The following RHOBTB2 variants were observed in gnomAD, a reference collection of about 807,000 sequenced individuals.
RHOBTB2 encodes the protein rho-related BTB domain-containing protein 2.
A neutral mutation model predicts 66.5 loss-of-function variants in RHOBTB2; 39 were observed. The ratio of observed to expected loss-of-function variants is 0.59; its 90% CI spans 0.45 to 0.77. The LOEUF is 0.77. Ranked by LOEUF, RHOBTB2 falls within the 30% of genes least tolerant of loss-of-function variation. RHOBTB2 has a pLI of 0.00. For missense variants in RHOBTB2, 755 were observed against 999.1 expected, an observed-to-expected ratio of 0.76 and a Z score of 3.29; for synonymous variants, 390 against 395.0, an observed-to-expected ratio of 0.99 and a Z score of 0.15.
chr8:22,956,472 C>T, the RHOBTB2 span, among the ~76,000 whole-genome samples: 1 of 152,068 alleles, frequency 6.6e-6, no homozygotes, highest in Non-Finnish European at 1.5e-5. Flanking sequence ...CCCTCCCCCT[C>T]CTCCTCCTGG....
the RHOBTB2 span, among the ~76,000 whole-genome samples, chr8:22,963,343 G>GT: frequency 6.6e-6 from 1 of 152,156 alleles, no homozygotes; most frequent in Admixed American, 6.5e-5. Context: ...CTAAGTATCT[G>GT]TTACAGAGAA....
At position 22,999,680 on chromosome 8, in the gene RHOBTB2, T is replaced by C. The variant is rs1017844654; in HGVS notation, c.-436T>C. 4.9e-6 allele frequency: 6 copies of C among 1,225,624 alleles called. No individual in the cohort carries two copies. Among genetic ancestry groups the C allele is most frequent in the African/African-American group, 1.7e-5 (1 of 60,170 alleles). 75.9% of individuals were successfully genotyped at this position (1,225,624 alleles called of 1,614,324 possible). On this transcript the variant is annotated 5_prime_UTR_variant, in exon 1 of 10. Coordinates refer to ENST00000251822, the MANE Select transcript of RHOBTB2 (RefSeq NM_015178.3). ...AAAAAAGGAGGTCGCGAGCGGTACC[T>C]GGGACTGCAGCGCCAGGCGTCTTCG...
chr8:22,993,297 C>A (rs1810469015), intron 2 of RHOBTB2, among the ~76,000 whole-genome samples: 1 of 152,144 alleles, frequency 6.6e-6, no homozygotes, highest in Admixed American at 6.5e-5. Flanking sequence ...GTAGCTGGGA[C>A]TACAGGCGTG....
chr8:22,962,140 C>T, the RHOBTB2 span, among the ~76,000 whole-genome samples: 1 of 116,604 alleles, frequency 8.6e-6, no homozygotes, highest in African/African-American at 3.3e-5. Context: ...CAGTCTGGGC[C>T]ACAGAGTAAG....
At position 23,015,215 on chromosome 8, in the gene RHOBTB2, C is replaced by T. The variant is rs372122501; in HGVS notation, c.1861-423C>T. On this transcript the variant is annotated intron_variant, in intron 8 of 9. Coordinates refer to ENST00000251822, the MANE Select transcript of RHOBTB2 (RefSeq NM_015178.3). ...AAGATTAGTGTGTGGAGTGGAAGCA[C>T]GGCTCAGGCAGGGCTTGCAGACACC... is the stretch of plus-strand genomic sequence containing the variant. Among the ~76,000 whole-genome samples the T allele has an allele frequency of 4.6e-5, 7 of 152,196 alleles. No homozygotes were observed. In the East Asian group the frequency reaches 5.8e-4, roughly 13 times the overall value.
In RHOBTB2 at chr8:23,017,977, T is replaced by G. The variant is rs919342445; in HGVS notation, c.*508T>G. The G allele has an allele frequency of 6.1e-6, 1 of 163,584 alleles. No individual in the cohort carries two copies. Among genetic ancestry groups the G allele is most frequent in the African/African-American group, 2.4e-5 (1 of 41,726 alleles). The allele number at this position is 163,584 out of a possible 1,614,324, so 10.1% of individuals were successfully genotyped here. A position where few individuals can be genotyped will look rare whatever the true frequency, so the allele number is the denominator to read the frequency against. On this transcript the variant is annotated 3_prime_UTR_variant, in exon 10 of 10. Transcript: ENST00000251822. This position sits in a 1 kb window ranked among gnomAD's most constrained non-coding sequence, Gnocchi z 5.3. ...CACACCCTCACTGGAGAAGTCAGGG[T>G]AGAAATTGAGCCTTCAGAGCCCAAC... is the stretch of plus-strand genomic sequence containing the variant.
intron 2 of RHOBTB2, among the ~76,000 whole-genome samples, chr8:22,993,230 G>C (rs1232087617): frequency 6.6e-6 from 1 of 152,076 alleles, no homozygotes; most frequent in Non-Finnish European, 1.5e-5. Context: ...TACGATCATA[G>C]TGCACTGCAG....
At position 23,019,643 on chromosome 8, in the gene RHOBTB2, G is replaced by A. The variant is rs180744659; in HGVS notation, c.*2174G>A. The A allele has an allele frequency of 2.0e-5, 3 of 153,110 alleles. No individual in the cohort carries two copies. The highest frequency in any genetic ancestry group is 2.9e-5 in the Non-Finnish European group (2 of 68,654). 9.5% of individuals were successfully genotyped at this position (153,110 alleles called of 1,614,324 possible). On this transcript the variant is annotated 3_prime_UTR_variant, in exon 10 of 10. Coordinates refer to ENST00000251822, the MANE Select transcript of RHOBTB2 (RefSeq NM_015178.3). ...AGGTCTCCTAGGTGCCTGAAGCGCT[G>A]AGCAACCTGGGTACCCTGGTGGGGA...
rs1208632974 is a variant in RHOBTB2, at chr8:23,007,319, T to G, written c.1074T>G (p.Gly358=). ...CESVDEAGGS[G]PAGLRASTSD... is the part of the protein sequence containing the mutation. ...GCGTGGATGAGGCTGGGGGCTCCGG[T>G]CCTGCTGGCCTCCGTGCTTCCACCA... Residue 358 remains glycine, a synonymous_variant, in exon 5 of 10, where the codon GGT becomes GGG. Transcript: ENST00000251822. 4 of 1,613,566 alleles carry G rather than the reference T, an allele frequency of 2.5e-6. No individual in the cohort carries two copies. Among genetic ancestry groups the G allele is most frequent in the Non-Finnish European group, 2.5e-6 (3 of 1,179,852 alleles).
Position 23,011,111 on chromosome 8 carries a change from G to A in RHOBTB2, c.1771+423G>A, listed in dbSNP as rs1377384199. 2.0e-5 allele frequency among the ~76,000 whole-genome samples: 3 copies of A among 152,284 alleles called. No individual in the cohort carries two copies. In the East Asian group the frequency reaches 5.8e-4, roughly 29 times the overall value. On this transcript the variant is annotated intron_variant, in intron 7 of 9. Transcript: ENST00000251822. ...TCTACTAAAAATATAAAAATTAGCT[G>A]TGTTTGGTGGCAGGCGCCTGTAATC...
upstream of RHOBTB2, among the ~76,000 whole-genome samples, chr8:22,998,472 G>T (rs1253903084): frequency 6.6e-6 from 1 of 152,068 alleles, no homozygotes; most frequent in Non-Finnish European, 1.5e-5. Flanking sequence ...GGTGGCTCAC[G>T]CCTGTAATCC....
chr8:22,952,671 G>A, the RHOBTB2 span, among the ~76,000 whole-genome samples: 5 of 152,134 alleles, frequency 3.3e-5, no homozygotes, highest in South Asian at 4.2e-4. Flanking sequence ...TTGGGAGGCC[G>A]AAGGCAGGTG....
At chr8:23,008,344 T>TA (rs1381774486) in intron 6 of RHOBTB2, among the ~76,000 whole-genome samples, 2 of 152,140 alleles carry the variant, frequency 1.3e-5, no homozygotes, top group Non-Finnish European at 2.9e-5. Context: ...TTCTGTTCAT[T>TA]ATCTCATTAA....
At position 23,017,128 on chromosome 8, in the gene RHOBTB2, G is replaced by A; in HGVS notation, c.1967-124G>A. 1.6e-6 allele frequency: 2 copies of A among 1,265,128 alleles called. No individual in the cohort carries two copies. Among genetic ancestry groups the A allele is most frequent in the Middle Eastern group, 2.4e-4 (1 of 4,110 alleles). 78.4% of individuals were successfully genotyped at this position (1,265,128 alleles called of 1,614,324 possible). On this transcript the variant is annotated intron_variant, in intron 9 of 9. Transcript: ENST00000251822. This position sits in a 1 kb window ranked among gnomAD's most constrained non-coding sequence, Gnocchi z 5.3. Reference sequence around the variant, plus strand: ...CGGAGGCTCATGTGCCGTGGGTCATGGGGATGTGCTGGGGGCTGGGCTGGA... The same window carrying A: ...CGGAGGCTCATGTGCCGTGGGTCATAGGGATGTGCTGGGGGCTGGGCTGGA...
intron 1 of RHOBTB2, among the ~76,000 whole-genome samples, chr8:22,990,264 CA>C (rs1810391838): frequency 6.6e-6 from 1 of 152,180 alleles, no homozygotes; most frequent in Non-Finnish European, 1.5e-5. Context: ...CCAGGTTAAG[CA>C]AGGGGACTTG....
chr8:22,967,551 C>T, the RHOBTB2 span, among the ~76,000 whole-genome samples: 4 of 135,590 alleles, frequency 3.0e-5, no homozygotes, highest in East Asian at 4.5e-4. Context: ...GGCAGAGAGC[C>T]GAGATCGTGC....
At chr8:23,012,746 G>A (rs1811183165) in intron 7 of RHOBTB2, among the ~76,000 whole-genome samples, 1 of 152,054 alleles carries the variant, frequency 6.6e-6, no homozygotes. Flanking sequence ...AGCTTCCCAA[G>A]TACCTTGGAC....
At chr8:22,956,115 A>G in the RHOBTB2 span, among the ~76,000 whole-genome samples, 1 of 152,232 alleles carries the variant, frequency 6.6e-6, no homozygotes. Context: ...CACAAACAGT[A>G]CAGAGAATTT....
At chr8:22,988,451 C>T (rs1201718393) in intron 1 of RHOBTB2, among the ~76,000 whole-genome samples, 1 of 152,046 alleles carries the variant, frequency 6.6e-6, no homozygotes. Context: ...CGTGAGCCAC[C>T]GCACCTGACC....
Sources: allele counts gnomAD v4.1 joint callset (sites outside exome capture counted in the v4.1 genomes callset), GRCh38; gene constraint gnomAD v4.1.1; non-coding constraint Gnocchi (gnomAD v3.1); transcripts MANE v1.5; gene names NCBI Gene and HGNC (gene_info 2026-07-23, HGNC 2026-07-21).